The following CDKAL1 variants were observed in gnomAD, a reference collection of about 807,000 sequenced individuals.
The protein encoded by CDKAL1 is threonylcarbamoyladenosine tRNA methylthiotransferase.
Under a neutral mutation model 68.2 loss-of-function variants are expected in CDKAL1, and 32 were observed. The observed-to-expected ratio is 0.47, with a 90% CI of 0.35 to 0.63. CDKAL1 has a LOEUF of 0.63. Among genes scored for constraint, CDKAL1 ranks in the 30% least tolerant of loss-of-function variants. The probability of loss-of-function intolerance (pLI) is 0.00; values close to 1 mark genes in which losing one functional copy is unlikely to be tolerated. For missense variants in CDKAL1, 606 were observed against 696.7 expected (o/e 0.87, Z 1.47); for synonymous variants, 234 against 244.3 (o/e 0.96, Z 0.39).
intron 4 of CDKAL1, among the ~76,000 whole-genome samples, chr6:20,557,959 C>T (rs1040158331): frequency 4.6e-5 from 7 of 152,114 alleles, no homozygotes; most frequent in African/African-American, 1.4e-4. Context: ...ACACATCAAA[C>T]AAACAAACAT....
At chr6:20,700,365 A>T (rs181914052) in intron 5 of CDKAL1, among the ~76,000 whole-genome samples, 23,384 of 151,788 alleles carry the variant, frequency 0.15, 1,933 homozygotes, top group Admixed American at 0.24. Context: ...CAAAAAAAAA[A>T]AAAAAAATAA....
intron 10 of CDKAL1, among the ~76,000 whole-genome samples, chr6:20,966,056 AG>A (rs1273488755): frequency 6.6e-6 from 1 of 152,178 alleles, no homozygotes; most frequent in East Asian, 1.9e-4. Context: ...ATTTTACATC[AG>A]GTAGGTAATG....
intron 13 of CDKAL1, among the ~76,000 whole-genome samples, chr6:21,116,492 G>C (rs532437921): frequency 2.6e-5 from 4 of 152,254 alleles, no homozygotes; most frequent in East Asian, 1.9e-4. Context: ...AAATTACAGA[G>C]CAGTATACGT....
chr6:21,039,565 A>C (rs1007277979), intron 11 of CDKAL1, among the ~76,000 whole-genome samples: 2 of 152,342 alleles, frequency 1.3e-5, no homozygotes, highest in East Asian at 1.9e-4. Context: ...ACCTTGTGGA[A>C]TATGGAGAAC....
At chr6:20,846,685 G>T (rs1203021785) in intron 9 of CDKAL1, among the ~76,000 whole-genome samples, 2 of 152,168 alleles carry the variant, frequency 1.3e-5, no homozygotes, top group African/African-American at 4.8e-5. Context: ...GATTGGTACT[G>T]GGGGAGAGGC....
In CDKAL1 at chr6:21,231,239, T is replaced by C. The variant is rs1054767580; in HGVS notation, c.*200T>C. Reference sequence around the variant, plus strand: ...ATTGGTTATTTGACCTAAAACCTAATCACCGCTACCATAGCACATCCTTCA... The same window carrying C: ...ATTGGTTATTTGACCTAAAACCTAACCACCGCTACCATAGCACATCCTTCA... On this transcript the variant is annotated 3_prime_UTR_variant, in exon 16 of 16. Transcript: ENST00000274695. 1 of 443,284 alleles carries C rather than the reference T, an allele frequency of 2.3e-6. No homozygotes were observed. The allele number at this position is 443,284 out of a possible 1,614,324, so 27.5% of individuals were successfully genotyped here.
chr6:20,787,233 G>A (rs1446371835), intron 8 of CDKAL1, among the ~76,000 whole-genome samples: 1 of 152,064 alleles, frequency 6.6e-6, no homozygotes, highest in Non-Finnish European at 1.5e-5. Flanking sequence ...TTTTCTTTGA[G>A]CTTATATTCT....
chr6:20,836,603 T>G (rs1251262235), intron 8 of CDKAL1, among the ~76,000 whole-genome samples: 1 of 152,212 alleles, frequency 6.6e-6, no homozygotes, highest in Admixed American at 6.5e-5. Flanking sequence ...GTTCTTAAAT[T>G]GACGTATTTC....
Position 20,781,218 on chromosome 6 carries a change from G to C in CDKAL1, c.591G>C (p.Pro197=). ...TTGGGGGAGCACGATTGGATTTGCC[G>C]AAGATTAGGAAGAATCCACTGATAG... ...RRLGGARLDL[P]KIRKNPLIEI... The change falls in exon 8 of 16, where the codon CCG becomes CCC. Residue 197 remains proline (P), a synonymous_variant. Transcript: ENST00000274695. 6.2e-7 allele frequency: 1 copy of C among 1,613,460 alleles called. No individual in the cohort carries two copies. Among genetic ancestry groups the C allele is most frequent in the Non-Finnish European group, 8.5e-7 (1 of 1,179,576 alleles).
rs373099158 is a variant in CDKAL1, at chr6:20,995,085, T to C, written c.910-5142T>C. On this transcript the variant is annotated intron_variant, in intron 10 of 15. Coordinates refer to ENST00000274695, the MANE Select transcript of CDKAL1 (RefSeq NM_017774.3). The stretch of plus-strand genomic sequence containing the variant: ...CTCATCCATAAGAAACAACTCATCA[T>C]CTGTTCAAGTTTGATGATGAGATTG... Among the ~76,000 whole-genome samples the C allele has an allele frequency of 2.3e-4, 35 of 152,370 alleles. No homozygotes were observed. In the South Asian group the frequency reaches 6.4e-3, roughly 28 times the overall value.
At chr6:20,714,275 T>C (rs1771980298) in intron 5 of CDKAL1, among the ~76,000 whole-genome samples, 1 of 151,554 alleles carries the variant, frequency 6.6e-6, no homozygotes, top group South Asian at 2.1e-4. Flanking sequence ...TTTTTAATAT[T>C]AAAATATTTT....
intron 11 of CDKAL1, among the ~76,000 whole-genome samples, chr6:21,044,054 C>T (rs2150899958): frequency 6.6e-6 from 1 of 152,328 alleles, no homozygotes; most frequent in East Asian, 1.9e-4. Context: ...AATTTAAGCA[C>T]ATTCTACATT....
chr6:20,944,531 G>A (rs191526926), intron 9 of CDKAL1, among the ~76,000 whole-genome samples: 7 of 152,276 alleles, frequency 4.6e-5, no homozygotes, highest in African/African-American at 1.2e-4. Flanking sequence ...ATTTTTAGTA[G>A]AGACAGGGTT....
chr6:20,554,342 A>G (rs1172221079), intron 4 of CDKAL1, among the ~76,000 whole-genome samples: 1 of 152,182 alleles, frequency 6.6e-6, no homozygotes, highest in Non-Finnish European at 1.5e-5. Context: ...CAAGTAGGCA[A>G]TTTTTATAGA....
At chr6:20,692,291 T>A (rs1459927624) in intron 5 of CDKAL1, among the ~76,000 whole-genome samples, 2 of 152,208 alleles carry the variant, frequency 1.3e-5, no homozygotes, top group African/African-American at 4.8e-5. Flanking sequence ...TAGAGAAGTG[T>A]TCTCAGTTTG....
chr6:20,941,860 G>T (rs1763987052), intron 9 of CDKAL1, among the ~76,000 whole-genome samples: 1 of 152,212 alleles, frequency 6.6e-6, no homozygotes, highest in African/African-American at 2.4e-5. Flanking sequence ...TTTGTGAAAA[G>T]TTGAATTATT....
intron 5 of CDKAL1, among the ~76,000 whole-genome samples, chr6:20,682,974 A>T (rs1479275111): frequency 7.3e-6 from 1 of 136,792 alleles, no homozygotes; most frequent in Non-Finnish European, 1.5e-5. Context: ...TTTTTTAGAG[A>T]CAGGGTCTTG....
At chr6:20,735,054 A>G (rs1406691277) in intron 5 of CDKAL1, among the ~76,000 whole-genome samples, 1 of 151,180 alleles carries the variant, frequency 6.6e-6, no homozygotes, top group African/African-American at 2.4e-5. Flanking sequence ...TATTTTTAGT[A>G]GAGATGGGTT....
At chr6:20,962,085 G>T (rs1056608279) in intron 10 of CDKAL1, among the ~76,000 whole-genome samples, 2 of 152,196 alleles carry the variant, frequency 1.3e-5, no homozygotes, top group African/African-American at 4.8e-5. Context: ...TAGATTGCAA[G>T]TGCTTATTAA....
Sources: allele counts gnomAD v4.1 joint callset (sites outside exome capture counted in the v4.1 genomes callset), GRCh38; gene constraint gnomAD v4.1.1; transcripts MANE v1.5; gene names NCBI Gene and HGNC (gene_info 2026-07-23, HGNC 2026-07-21).